The following TMEM213 variants were observed in gnomAD, a reference collection of about 807,000 sequenced individuals.
TMEM213 encodes the protein transmembrane protein 213.
Under a neutral mutation model 11.6 loss-of-function variants are expected in TMEM213, and 7 were observed. The ratio of observed to expected loss-of-function variants is 0.60; its 90% CI spans 0.34 to 1.13. The LOEUF (loss-of-function observed/expected upper bound fraction) is 1.13, where lower values mean the gene tolerates loss of function less well. Ranked by LOEUF, TMEM213 falls within the 50% of genes most tolerant of loss-of-function variation. TMEM213 has a pLI of 0.03. For synonymous variants in TMEM213, 60 were observed against 58.3 expected (o/e 1.03, Z -0.13); for missense variants, 129 against 139.0 (o/e 0.93, Z 0.36).
Position 138,802,934 on chromosome 7 carries a change from C to A in TMEM213, c.189C>A (p.Cys63Ter). Residue 63 changes from cysteine to a stop codon, truncating the protein, a stop_gained, in exon 3 of 3, where the codon TGC becomes TGA. Coordinates refer to ENST00000442682, the MANE Select transcript of TMEM213 (RefSeq NM_001085429.2). LOFTEE classifies it high-confidence loss of function. ...TCTGCCCACAAGCAGCCCGGTGCTG[C>A]CGCACAGGAGTGGACGAGTACGGCT... is the stretch of plus-strand genomic sequence containing the variant. ...VDFCPQAARC[C>*]RTGVDEYGWI... is the part of the protein sequence containing the mutation. 6.3e-7 allele frequency: 1 copy of A among 1,599,996 alleles called. No homozygotes were observed. The highest frequency in any genetic ancestry group is 1.1e-5 in the South Asian group (1 of 88,808).
Position 138,803,325 on chromosome 7 carries a change from T to A in TMEM213, c.*256T>A, listed in dbSNP as rs1302746543. The A allele has an allele frequency of 4.3e-6, 2 of 469,176 alleles. No homozygotes were observed. Among genetic ancestry groups the A allele is most frequent in the African/African-American group, 4.0e-5 (2 of 50,006 alleles). The allele number at this position is 469,176 out of a possible 1,614,324, so 29.1% of individuals were successfully genotyped here. A position where few individuals can be genotyped will look rare whatever the true frequency, so the allele number is the denominator to read the frequency against. On this transcript the variant is annotated 3_prime_UTR_variant, in exon 3 of 3. Coordinates refer to ENST00000442682, the MANE Select transcript of TMEM213 (RefSeq NM_001085429.2). ...GATAGTCCCTCTGTAATGTATCCTGTTTTAACCTTTCTTCTAGGCACCAAG... is the reference window on the plus strand; with the variant it reads ...GATAGTCCCTCTGTAATGTATCCTGATTTAACCTTTCTTCTAGGCACCAAG...
Position 138,798,114 on chromosome 7 carries a change from C to T in TMEM213, c.10C>T (p.Leu4Phe). 2 of 1,598,908 alleles carry T rather than the reference C, an allele frequency of 1.3e-6. No individual in the cohort carries two copies. The highest frequency in any genetic ancestry group is 1.7e-6 in the Non-Finnish European group (2 of 1,173,382). Residue 4 changes from leucine (L) to phenylalanine (F), a missense_variant, in exon 1 of 3, where the codon CTC becomes TTC. By Grantham distance (22) the Leu-to-Phe change is conservative. Transcript: ENST00000442682. Reference sequence around the variant, plus strand: ...CAGCACAGCCTCCAGCATGCAGCGCCTCCCCGCTGCCACCCGGGCCACCCT... The same window carrying T: ...CAGCACAGCCTCCAGCATGCAGCGCTTCCCCGCTGCCACCCGGGCCACCCT... MQR[L>F]PAATRATLIL...
At chr7:138,801,129 T>C (rs986477592) in intron 1 of TMEM213, among the ~76,000 whole-genome samples, 198 bp from the exon 2 acceptor site, 4 of 152,142 alleles carry the variant, frequency 2.6e-5, no homozygotes, top group Admixed American at 6.5e-5. Context: ...CTTCAATATA[T>C]GAAACTTGGG....
chr7:138,805,437 T>C lies in TMEM213; in HGVS notation c.*2368T>C, dbSNP rs932702844. The C allele has an allele frequency of 2.0e-5, 3 of 151,746 alleles. No homozygotes were observed. The highest frequency in any genetic ancestry group is 7.3e-5 in the African/African-American group (3 of 41,284). 9.4% of individuals were successfully genotyped at this position (151,746 alleles called of 1,614,324 possible). A position where few individuals can be genotyped will look rare whatever the true frequency, so the allele number is the denominator to read the frequency against. On this transcript the variant is annotated 3_prime_UTR_variant, in exon 3 of 3. Transcript: ENST00000442682. ...AGCGTCTGCATAATTCCTGGTGCAT[T>C]TTGTGGATATACAATATGAGTATGT...
At chr7:138,798,549 T>C (rs920742059) in intron 1 of TMEM213, among the ~76,000 whole-genome samples, 3 of 152,166 alleles carry the variant, frequency 2.0e-5, no homozygotes, top group Non-Finnish European at 4.4e-5. Context: ...GAAGGCTCCT[T>C]CTCAGCCCCA....
At chr7:138,799,188 T>C (rs1432246044) in intron 1 of TMEM213, 3 of 152,226 alleles carry the variant, frequency 2.0e-5, no homozygotes, top group Non-Finnish European at 4.4e-5. Context: ...TGTAATTTCA[T>C]GTAAAGAACT....
In TMEM213 at chr7:138,798,144, C is replaced by G; in HGVS notation, c.40C>G (p.Leu14Val). 1 of 1,602,018 alleles carries G rather than the reference C, an allele frequency of 6.2e-7. No homozygotes were observed. The highest frequency in any genetic ancestry group is 1.1e-5 in the South Asian group (1 of 88,466). Reference sequence around the variant, plus strand: ...CGCTGCCACCCGGGCCACCCTGATCCTCAGCCTGGCCTTTGCCTCCCTCCA... The same window carrying G: ...CGCTGCCACCCGGGCCACCCTGATCGTCAGCCTGGCCTTTGCCTCCCTCCA... ...LPAATRATLILSLAFASLHSA... is the reference protein window; with the variant it reads ...LPAATRATLIVSLAFASLHSA... Residue 14 changes from leucine (L) to valine (V), a missense_variant, in exon 1 of 3, where the codon CTC becomes GTC. Coordinates refer to ENST00000442682, the MANE Select transcript of TMEM213 (RefSeq NM_001085429.2).
Position 138,805,552 on chromosome 7 carries a change from G to A in TMEM213, c.*2483G>A, listed in dbSNP as rs1809084658. 2 of 152,172 alleles carry A rather than the reference G, an allele frequency of 1.3e-5. No individual in the cohort carries two copies. Among genetic ancestry groups the A allele is most frequent in the Admixed American group, 1.3e-4 (2 of 15,274 alleles). The allele number at this position is 152,172 out of a possible 1,614,324, so 9.4% of individuals were successfully genotyped here. On this transcript the variant is annotated 3_prime_UTR_variant, in exon 3 of 3. Transcript: ENST00000442682. ...GATGAAAAGATTCATTAAGGTGCAT[G>A]CTTTGATTTAACATCTGCAAACATT...
At position 138,806,495 on chromosome 7, in the gene TMEM213, AGAGT is replaced by A. The variant is rs1469321235; in HGVS notation, c.*3430_*3433del. ...GCCACTGCACTCCAGCCTGGGTGAC[AGAGT>A]GAGACCTTGCCTCAAAAAGAAAAAA... On this transcript the variant is annotated 3_prime_UTR_variant, in exon 3 of 3. Transcript: ENST00000442682. 3 of 152,286 alleles carry A rather than the reference AGAGT, an allele frequency of 2.0e-5. No homozygotes were observed. Among genetic ancestry groups the A allele is most frequent in the Non-Finnish European group, 2.9e-5 (2 of 68,102 alleles). The allele number at this position is 152,286 out of a possible 1,614,324, so 9.4% of individuals were successfully genotyped here.
chr7:138,802,223 T>C (rs904675577), intron 2 of TMEM213, among the ~76,000 whole-genome samples: 2 of 151,630 alleles, frequency 1.3e-5, no homozygotes, highest in Non-Finnish European at 2.9e-5. Context: ...CCTGCCCTCA[T>C]TGAATGACCG....
rs770756468 is a variant in TMEM213, at chr7:138,802,981, G to A, written c.236G>A (p.Trp79Ter). ...EYGWIAAAVG[W>*]SLWFLTLILL... ...GGCTGGATCGCGGCAGCTGTTGGCTGGAGCCTCTGGTTCCTCACCCTCATC... is the reference window on the plus strand; with the variant it reads ...GGCTGGATCGCGGCAGCTGTTGGCTAGAGCCTCTGGTTCCTCACCCTCATC... Residue 79 changes from tryptophan (W) to a stop codon, truncating the protein, a stop_gained, in exon 3 of 3, where the codon TGG becomes TAG. Transcript: ENST00000442682. LOFTEE classifies it high-confidence loss of function. The A allele has an allele frequency of 6.2e-7, 1 of 1,613,450 alleles. No homozygotes were observed. The highest frequency in any genetic ancestry group is 1.1e-5 in the South Asian group (1 of 91,020).
At chr7:138,799,648 T>C (rs1563029546) in intron 1 of TMEM213, 2 of 152,222 alleles carry the variant, frequency 1.3e-5, no homozygotes, top group Non-Finnish European at 2.9e-5. Context: ...ACTTCCATTC[T>C]AGGTGTAGAG....
At chr7:138,801,498 C>A (rs1438486143) in intron 2 of TMEM213, 100 bp downstream of exon 2, 4 of 1,175,324 alleles carry the variant, frequency 3.4e-6, no homozygotes, top group South Asian at 1.3e-5. Context: ...GTCAAGTGGG[C>A]AAGGGCCTGC....
rs767750902 is a variant in TMEM213, at chr7:138,798,081, C to A, written c.-24C>A. On this transcript the variant is annotated 5_prime_UTR_variant, in exon 1 of 3. Transcript: ENST00000442682. The stretch of plus-strand genomic sequence containing the variant: ...CTCCGCAGGACCGGCTCACCTGCAC[C>A]GGGCACTCAGCACAGCCTCCAGCAT... 2.5e-6 allele frequency: 4 copies of A among 1,583,940 alleles called. No individual in the cohort carries two copies. The highest frequency in any genetic ancestry group is 2.6e-6 in the Non-Finnish European group (3 of 1,165,776).
chr7:138,799,337 T>C (rs2130259356), intron 1 of TMEM213: 1 of 152,320 alleles, frequency 6.6e-6, no homozygotes, highest in South Asian at 2.1e-4. Flanking sequence ...TTGCTTATGA[T>C]GGGAGCTCAG....
At chr7:138,799,044 G>A (rs139431634) in intron 1 of TMEM213, among the ~76,000 whole-genome samples, 22 of 152,218 alleles carry the variant, frequency 1.4e-4, no homozygotes, top group African/African-American at 4.6e-4. Flanking sequence ...CTCTTGAGCC[G>A]CTGAGCCTGA....
chr7:138,798,227 G>A (rs1808790330), intron 1 of TMEM213, 41 bp downstream of exon 1: 2 of 1,524,214 alleles, frequency 1.3e-6, no homozygotes, highest in African/African-American at 1.4e-5. Context: ...CTGGGAAGGG[G>A]GAGGGAAGGA....
chr7:138,800,511 A>G (rs766572999), intron 1 of TMEM213, among the ~76,000 whole-genome samples: 19 of 152,052 alleles, frequency 1.2e-4, no homozygotes, highest in Non-Finnish European at 2.2e-4. Flanking sequence ...GCTTGCTTCT[A>G]TGATGTTTAA....
At chr7:138,798,950 A>G (rs1224672314) in intron 1 of TMEM213, among the ~76,000 whole-genome samples, 2 of 151,910 alleles carry the variant, frequency 1.3e-5, no homozygotes, top group East Asian at 1.9e-4. Flanking sequence ...CCTGCCCCCA[A>G]AGTCCTGTGT....
Sources: gnomAD v4.1 joint callset for allele counts (sites outside exome capture counted in the v4.1 genomes callset) on GRCh38, gnomAD v4.1.1 for gene constraint, MANE v1.5 for transcripts, NCBI Gene and HGNC (gene_info 2026-07-23, HGNC 2026-07-21) for gene names.